Variants in CFHR4 observed in about 807,000 individuals in gnomAD.
The protein encoded by CFHR4 is complement factor H-related protein 4.
A neutral mutation model predicts 69.3 loss-of-function variants in CFHR4; 64 were observed. The observed-to-expected ratio is 0.92, with a 90% CI of 0.76 to 1.14. The LOEUF (loss-of-function observed/expected upper bound fraction) is 1.14. Ranked by LOEUF, CFHR4 falls within the 50% of genes most tolerant of loss-of-function variation. The probability of loss-of-function intolerance (pLI) is 0.00; values close to 1 mark genes in which losing one functional copy is unlikely to be tolerated. For synonymous variants in CFHR4, 244 were observed against 237.0 expected (o/e 1.03, Z -0.27); for missense variants, 636 against 684.9 (o/e 0.93, Z 0.80).
chr1:196,902,428 T>C lies in CFHR4; in HGVS notation c.69T>C (p.Pro23=). 1.9e-6 allele frequency: 3 copies of C among 1,605,458 alleles called. No individual in the cohort carries two copies. Among genetic ancestry groups the C allele is most frequent in the Admixed American group, 1.7e-5 (1 of 59,324 alleles). The change falls in exon 2 of 10, where the codon CCT becomes CCC. Residue 23 remains proline (P), a synonymous_variant. Coordinates refer to ENST00000608469, the MANE Select transcript of CFHR4 (RefSeq NM_001201550.3). ...VSCANGQEVK[P]CDFPEIQHGG... is the part of the protein sequence containing the mutation. ...GTTTTTTATTACAAGAAGTGAAACC[T>C]TGTGATTTTCCAGAAATTCAACATG...
chr1:196,914,701 A>G (rs1180428024), intron 8 of CFHR4, 30 bp downstream of exon 8: 1 of 1,544,560 alleles, frequency 6.5e-7, no homozygotes, highest in South Asian at 1.2e-5. Context: ...ATTTTTTATT[A>G]GAATTAAATA....
chr1:196,889,522 AT>A lies in CFHR4; in HGVS notation c.58+1317del, dbSNP rs573022504. 9.1e-3 allele frequency among the ~76,000 whole-genome samples: 1,384 copies of A among 151,694 alleles called. 70 individuals carry two copies. The highest frequency in any genetic ancestry group is 0.032 in the African/African-American group (1,316 of 41,242). On this transcript the variant is annotated intron_variant, in intron 1 of 9. Coordinates refer to ENST00000608469, the MANE Select transcript of CFHR4 (RefSeq NM_001201550.3). ...AAAGAATGCTGACAAATTCTTTCTT[AT>A]TTGATATTCCAGTTGAAAACTTTTC... is the stretch of plus-strand genomic sequence containing the variant.
In CFHR4 at chr1:196,907,208, T is replaced by G. The variant is rs1299557788; in HGVS notation, c.617-108T>G. ...AAAAAAGGTTGAAAATACAAATGTC[T>G]TCCTAAGAAATCAAATAAGATACAT... On this transcript the variant is annotated intron_variant, in intron 4 of 9. Transcript: ENST00000608469. The G allele has an allele frequency of 1.2e-5, 15 of 1,231,300 alleles. 1 individual carries two copies. The highest frequency in any genetic ancestry group is 1.7e-5 in the Non-Finnish European group (15 of 875,330). 76.3% of individuals were successfully genotyped at this position (1,231,300 alleles called of 1,614,324 possible).
At chr1:196,900,520 A>G (rs1657549399) in intron 1 of CFHR4, among the ~76,000 whole-genome samples, 2 of 151,254 alleles carry the variant, frequency 1.3e-5, no homozygotes, top group Non-Finnish European at 2.9e-5. Flanking sequence ...TCTATGAAAC[A>G]CCATCATGAG....
chr1:196,899,137 G>A (rs1306724415), intron 1 of CFHR4, among the ~76,000 whole-genome samples: 5 of 140,782 alleles, frequency 3.6e-5, no homozygotes, highest in Non-Finnish European at 1.6e-5. Flanking sequence ...GTAGCAAAAT[G>A]TCTCTCACGT....
At chr1:196,890,207 A>G (rs1404268457) in intron 1 of CFHR4, among the ~76,000 whole-genome samples, 1 of 151,482 alleles carries the variant, frequency 6.6e-6, no homozygotes, top group East Asian at 1.9e-4. Context: ...GTCTTCGCTG[A>G]GTTTTGTCTA....
intron 2 of CFHR4, among the ~76,000 whole-genome samples, chr1:196,904,600 A>G (rs1421446935): frequency 6.6e-6 from 1 of 151,372 alleles, no homozygotes; most frequent in Non-Finnish European, 1.5e-5. Flanking sequence ...ACATTTCCAC[A>G]TTTCTCTCAA....
intron 1 of CFHR4, among the ~76,000 whole-genome samples, chr1:196,893,467 A>G (rs1310711814): frequency 6.6e-6 from 1 of 151,666 alleles, no homozygotes. Flanking sequence ...TTTAAGTGGT[A>G]TGATTCAAAA....
At chr1:196,900,244 G>A (rs1657530167) in intron 1 of CFHR4, among the ~76,000 whole-genome samples, 2 of 150,508 alleles carry the variant, frequency 1.3e-5, no homozygotes, top group African/African-American at 4.9e-5. Flanking sequence ...AATTCACATG[G>A]TAGAAGACTA....
rs760376271 is a variant in CFHR4, at chr1:196,918,317, T to A, written c.1648T>A (p.Cys550Ser). ...AACAGGGGATACCATTGAATTTATG[T>A]GTAAATTGGGATATAATGCGAATAC... is the stretch of plus-strand genomic sequence containing the variant. ...AKTGDTIEFMCKLGYNANTSV... is the reference protein window; with the variant it reads ...AKTGDTIEFMSKLGYNANTSV... Residue 550 changes from cysteine (C) to serine (S), a missense_variant, in exon 10 of 10, where the codon TGT (cysteine) becomes AGT (serine). Coordinates refer to ENST00000608469, the MANE Select transcript of CFHR4 (RefSeq NM_001201550.3). 3 of 1,610,864 alleles carry A rather than the reference T, an allele frequency of 1.9e-6. No individual in the cohort carries two copies. The highest frequency in any genetic ancestry group is 4.5e-5 in the East Asian group (2 of 44,704).
chr1:196,907,128 A>ATG, intron 4 of CFHR4, 91 bp downstream of exon 4: 1 of 1,269,036 alleles, frequency 7.9e-7, no homozygotes, highest in South Asian at 1.3e-5. Context: ...ATGAATACAT[A>ATG]TGTGTACATA....
At chr1:196,916,545 T>G (rs1658645177) in intron 9 of CFHR4, among the ~76,000 whole-genome samples, 1 of 151,904 alleles carries the variant, frequency 6.6e-6, no homozygotes, top group African/African-American at 2.4e-5. Flanking sequence ...TACTTAGGTA[T>G]CCACTTCTGT....
rs1246349954 is a variant in CFHR4, at chr1:196,909,060, A to G, written c.800-1221A>G. 2.0e-5 allele frequency among the ~76,000 whole-genome samples: 3 copies of G among 151,550 alleles called. 1 individual carries two copies. Among genetic ancestry groups the G allele is most frequent in the African/African-American group, 7.3e-5 (3 of 41,070 alleles). ...GAGGAAAATTCGTATCCTCAAATCA[A>G]AATAGTTTACAAGTATCTTTGAACA... On this transcript the variant is annotated intron_variant, in intron 5 of 9. Coordinates refer to ENST00000608469, the MANE Select transcript of CFHR4 (RefSeq NM_001201550.3).
At chr1:196,907,213 A>G in intron 4 of CFHR4, 103 bp from the exon 5 acceptor site, 1 of 1,240,452 alleles carries the variant, frequency 8.1e-7, no homozygotes. Context: ...ATGTCTTCCT[A>G]AGAAATCAAA....
chr1:196,897,836 C>T (rs1301050916), intron 1 of CFHR4, among the ~76,000 whole-genome samples: 1 of 151,338 alleles, frequency 6.6e-6, no homozygotes, highest in African/African-American at 2.4e-5. Flanking sequence ...ACAGACATGC[C>T]TGTCCTCATT....
chr1:196,916,716 A>G (rs1218477019), intron 9 of CFHR4, among the ~76,000 whole-genome samples: 1 of 151,546 alleles, frequency 6.6e-6, no homozygotes, highest in Admixed American at 6.6e-5. Flanking sequence ...AATTTGATTG[A>G]ATGGGGAGAT....
At chr1:196,892,010 T>C (rs1287972222) in intron 1 of CFHR4, among the ~76,000 whole-genome samples, 1 of 151,584 alleles carries the variant, frequency 6.6e-6, no homozygotes, top group African/African-American at 2.4e-5. Context: ...TTTCTTATGT[T>C]ATAGTAATAT....
chr1:196,914,727 A>G (rs1350968631), intron 8 of CFHR4, 56 bp downstream of exon 8: 1 of 1,488,630 alleles, frequency 6.7e-7, no homozygotes, highest in African/African-American at 1.4e-5. Flanking sequence ...ATAGACACCT[A>G]CATATGTATA....
At position 196,904,896 on chromosome 1, in the gene CFHR4, CAA is replaced by C. The variant is rs369761403; in HGVS notation, c.257-210_257-209del. Among the ~76,000 whole-genome samples the C allele has an allele frequency of 9.9e-5, 15 of 151,630 alleles. 1 individual carries two copies. The East Asian group carries it at 1.4e-3, about 14-fold the overall frequency. ...CCTGCCAGAGCTCTGTTGACAGTCT[CAA>C]AGATTCTTTGCTTTTATTCTGCCCT... On this transcript the variant is annotated intron_variant, in intron 2 of 9. Transcript: ENST00000608469.
Sources: allele counts gnomAD v4.1 joint callset (sites outside exome capture counted in the v4.1 genomes callset), GRCh38; gene constraint gnomAD v4.1.1; transcripts MANE v1.5; gene names NCBI Gene and HGNC (gene_info 2026-07-23, HGNC 2026-07-21).